The following SLC12A8 variants were observed in gnomAD, a reference collection of about 807,000 sequenced individuals.
The protein encoded by SLC12A8 is cation-chloride cotransporter 9.
A neutral mutation model predicts 75.6 loss-of-function variants in SLC12A8; 69 were observed. The ratio of observed to expected loss-of-function variants is 0.91; its 90% CI spans 0.75 to 1.11. SLC12A8 has a LOEUF of 1.11. Ranked by LOEUF, SLC12A8 falls within the 50% of genes most tolerant of loss-of-function variation. The pLI is 0.00. For synonymous variants in SLC12A8, 365 were observed against 372.8 expected (o/e 0.98, Z 0.24); for missense variants, 877 against 896.7 (o/e 0.98, Z 0.28).
intron 2 of SLC12A8, among the ~76,000 whole-genome samples, chr3:125,192,060 G>A (rs920810426): frequency 2.0e-5 from 3 of 152,100 alleles, no homozygotes; most frequent in African/African-American, 7.2e-5. Context: ...GTGTTTCCCA[G>A]GATCCTCATC....
intron 6 of SLC12A8, among the ~76,000 whole-genome samples, chr3:125,125,136 A>C (rs1441715309): frequency 6.7e-6 from 1 of 150,120 alleles, no homozygotes; most frequent in East Asian, 1.9e-4. Flanking sequence ...TTTTTTTTTA[A>C]AGAAATGAAA....
chr3:125,194,174 C>T (rs1350923226), intron 2 of SLC12A8, among the ~76,000 whole-genome samples: 2 of 152,234 alleles, frequency 1.3e-5, no homozygotes, highest in African/African-American at 2.4e-5. Context: ...CCTGAAGACC[C>T]TCAGCCTGGC....
chr3:125,131,834 G>A (rs376062216), intron 6 of SLC12A8, among the ~76,000 whole-genome samples: 7 of 152,270 alleles, frequency 4.6e-5, no homozygotes, highest in South Asian at 2.1e-4. Flanking sequence ...TTCTGGAGTC[G>A]GGGGCAGGGA....
intron 12 of SLC12A8, among the ~76,000 whole-genome samples, chr3:125,089,686 C>T (rs9834177): frequency 0.2 from 11,936 of 60,526 alleles, 769 homozygotes; most frequent in East Asian, 0.46. Context: ...GAACCTTTTT[C>T]TCTTTTTTTT....
chr3:125,118,914 C>G, intron 7 of SLC12A8, 58 bp from the exon 8 acceptor site: 1 of 1,155,732 alleles, frequency 8.7e-7, no homozygotes, highest in Non-Finnish European at 1.3e-6. Flanking sequence ...CAGCCCCATC[C>G]AATTCCCTCA....
At chr3:125,163,139 A>G (rs578260086) in intron 5 of SLC12A8, among the ~76,000 whole-genome samples, 2 of 151,982 alleles carry the variant, frequency 1.3e-5, no homozygotes, top group Admixed American at 6.5e-5. Flanking sequence ...CCCTGTCTCT[A>G]CAAAAGATAC....
intron 6 of SLC12A8, among the ~76,000 whole-genome samples, chr3:125,123,226 G>A (rs777707004): frequency 5.3e-5 from 8 of 151,480 alleles, no homozygotes; most frequent in Non-Finnish European, 8.8e-5. Context: ...AATGCAAAAA[G>A]TAGCCAGGTG....
intron 5 of SLC12A8, among the ~76,000 whole-genome samples, chr3:125,146,170 G>T (rs1397583830): frequency 1.3e-5 from 2 of 152,146 alleles, no homozygotes; most frequent in Non-Finnish European, 2.9e-5. Context: ...ATCTATTTTT[G>T]GACCACTGTT....
intron 8 of SLC12A8, among the ~76,000 whole-genome samples, chr3:125,114,665 G>T (rs1257029700): frequency 6.6e-6 from 1 of 152,180 alleles, no homozygotes; most frequent in Admixed American, 6.5e-5. Flanking sequence ...GACCTCAAGT[G>T]ATCTGCCCGC....
At chr3:125,177,253 C>T (rs1359909635) in intron 5 of SLC12A8, among the ~76,000 whole-genome samples, 1 of 143,946 alleles carries the variant, frequency 6.9e-6, no homozygotes, top group African/African-American at 2.6e-5. Flanking sequence ...CATGTTCTCA[C>T]TCATAGGTGG....
rs1449195865 is a variant in SLC12A8 at position 125,107,751 on chromosome 3, G to A, written c.1435C>T (p.Gln479Ter). ...TCTGGGGTCCTGTTACCCTCTCCTT[G>A]CCTGGGCTGGCTACTCTCAAGCTTC... ...TRKLESSQPR[Q>*]GEGNRTPESQ... The change falls in exon 10 of 14, where the codon CAA (glutamine) becomes TAA (stop). Residue 479 changes from glutamine (Q) to a stop codon, truncating the protein, a stop_gained. Coordinates refer to ENST00000469902, the MANE Select transcript of SLC12A8 (RefSeq NM_024628.6). LOFTEE classifies it high-confidence loss of function. 1.2e-6 allele frequency: 2 copies of A among 1,614,104 alleles called. No individual in the cohort carries two copies. The highest frequency in any genetic ancestry group is 1.3e-5 in the African/African-American group (1 of 75,008).
chr3:125,176,612 T>C (rs1277491510), intron 5 of SLC12A8, among the ~76,000 whole-genome samples: 1 of 151,668 alleles, frequency 6.6e-6, no homozygotes, highest in Admixed American at 6.6e-5. Flanking sequence ...TACAATGAAC[T>C]CAAACAAATG....
chr3:125,115,875 C>T (rs1939299034), intron 8 of SLC12A8, among the ~76,000 whole-genome samples: 1 of 152,126 alleles, frequency 6.6e-6, no homozygotes, highest in South Asian at 2.1e-4. Flanking sequence ...CAGAGATGCG[C>T]CGGCTCAGAA....
At chr3:125,167,039 C>T (rs1579518584) in intron 5 of SLC12A8, among the ~76,000 whole-genome samples, 1 of 152,214 alleles carries the variant, frequency 6.6e-6, no homozygotes, top group East Asian at 1.9e-4. Flanking sequence ...TTAAATAGAG[C>T]TCTGAAGCAA....
chr3:125,157,295 C>T (rs1405464141), intron 5 of SLC12A8, among the ~76,000 whole-genome samples: 1 of 152,074 alleles, frequency 6.6e-6, no homozygotes, highest in African/African-American at 2.4e-5. Flanking sequence ...GAAGGAAATA[C>T]ACTAATTATA....
At chr3:125,102,358 T>C (rs1435922464) in intron 10 of SLC12A8, among the ~76,000 whole-genome samples, 2 of 152,194 alleles carry the variant, frequency 1.3e-5, no homozygotes, top group East Asian at 3.8e-4. Context: ...TGGGTTGTCA[T>C]GAGAAGTGTG....
At chr3:125,143,893 G>A (rs963390892) in intron 5 of SLC12A8, among the ~76,000 whole-genome samples, 1 of 152,212 alleles carries the variant, frequency 6.6e-6, no homozygotes, top group African/African-American at 2.4e-5. Flanking sequence ...GCAGTCCCGG[G>A]GCTCTTTCTG....
intron 8 of SLC12A8, among the ~76,000 whole-genome samples, chr3:125,117,025 G>T (rs1048110837): frequency 6.6e-6 from 1 of 152,188 alleles, no homozygotes; most frequent in Non-Finnish European, 1.5e-5. Flanking sequence ...TTGGGTACTG[G>T]AAAGTGGGTA....
intron 5 of SLC12A8, among the ~76,000 whole-genome samples, chr3:125,153,954 G>A (rs527363063): frequency 6.6e-6 from 1 of 152,262 alleles, no homozygotes; most frequent in African/African-American, 2.4e-5. Flanking sequence ...TACCATGTTG[G>A]CCAGGCTGGT....
Sources: gnomAD v4.1 joint callset for allele counts (sites outside exome capture counted in the v4.1 genomes callset) on GRCh38, gnomAD v4.1.1 for gene constraint, MANE v1.5 for transcripts, NCBI Gene and HGNC (gene_info 2026-07-23, HGNC 2026-07-21) for gene names.